The following HS6ST3 variants were observed in gnomAD, a reference collection of about 807,000 sequenced individuals.
The protein encoded by HS6ST3 is heparan sulfate 6-O-sulfotransferase 3.
HS6ST3 carries 12 observed loss-of-function variants against 36.7 expected under a neutral mutation model. That is an observed-to-expected ratio of 0.33 (90% CI 0.21 to 0.53). HS6ST3 has a LOEUF of 0.53. Among genes scored for constraint, HS6ST3 ranks in the 20% least tolerant of loss-of-function variants. The probability of loss-of-function intolerance (pLI) is 0.95; values close to 1 mark genes in which losing one functional copy is unlikely to be tolerated. For missense variants in HS6ST3, 584 were observed against 640.9 expected (o/e 0.91, Z 0.96); for synonymous variants, 240 against 257.5 (o/e 0.93, Z 0.65).
chr13:96,229,235 C>T lies in HS6ST3; in HGVS notation c.707+137666C>T, dbSNP rs78315933. Among the ~76,000 whole-genome samples, 210 of 152,316 alleles carry T rather than the reference C, an allele frequency of 1.4e-3. 1 individual carries two copies. The highest frequency in any genetic ancestry group is 4.8e-3 in the African/African-American group (198 of 41,564). ...TGGGGCCTATCACTTTGGTGCTAGA[C>T]AGCACTTGCCATTTCTCATTCCTCC... is the stretch of plus-strand genomic sequence containing the variant. On this transcript the variant is annotated intron_variant, in intron 1 of 1. Transcript: ENST00000376705.
intron 1 of HS6ST3, among the ~76,000 whole-genome samples, chr13:96,348,168 CT>C (rs1219329933): frequency 7.9e-5 from 12 of 152,320 alleles, no homozygotes; most frequent in East Asian, 3.9e-4. Flanking sequence ...CTAAGACTTT[CT>C]TTTCTGCATA....
chr13:96,202,588 A>T (rs1349373605), intron 1 of HS6ST3, among the ~76,000 whole-genome samples: 2 of 152,176 alleles, frequency 1.3e-5, no homozygotes, highest in Admixed American at 1.3e-4. Context: ...GCTCTCATTC[A>T]TCTGCAGCTG....
chr13:96,551,132 G>A (rs1294805581), intron 1 of HS6ST3, among the ~76,000 whole-genome samples: 3 of 152,154 alleles, frequency 2.0e-5, no homozygotes, highest in Non-Finnish European at 4.4e-5. Flanking sequence ...GAAGCTTCCT[G>A]AAAACCAAAT....
In HS6ST3 at chr13:96,102,828, G is replaced by A. The variant is rs188249297; in HGVS notation, c.707+11259G>A. ...AGTCATGAATTACTAATGATACATG[G>A]AACAAGTTAACTTACTAGTGAGTGG... On this transcript the variant is annotated intron_variant, in intron 1 of 1. Transcript: ENST00000376705. Among the ~76,000 whole-genome samples, 31 of 152,268 alleles carry A rather than the reference G, an allele frequency of 2.0e-4. 1 individual carries two copies. The East Asian group carries it at 6.0e-3, about 29-fold the overall frequency.
At chr13:96,357,420 G>A (rs1331146407) in intron 1 of HS6ST3, among the ~76,000 whole-genome samples, 2 of 152,120 alleles carry the variant, frequency 1.3e-5, no homozygotes, top group African/African-American at 2.4e-5. Context: ...TCTTTCACTT[G>A]AACATTTAGA....
chr13:96,306,171 T>G (rs1246632691), intron 1 of HS6ST3, among the ~76,000 whole-genome samples: 1 of 149,816 alleles, frequency 6.7e-6, no homozygotes, highest in East Asian at 2.0e-4. Flanking sequence ...TGGCGTGATC[T>G]CAACTCACTG....
chr13:96,280,437 A>G (rs753984285), intron 1 of HS6ST3, among the ~76,000 whole-genome samples: 23 of 152,178 alleles, frequency 1.5e-4, no homozygotes, highest in Non-Finnish European at 2.8e-4. Context: ...CTGTAAACCA[A>G]TTGAGTGATT....
At chr13:96,284,910 GCTTT>G (rs71740033) in intron 1 of HS6ST3, among the ~76,000 whole-genome samples, 24,703 of 132,506 alleles carry the variant, frequency 0.19, 2,439 homozygotes, top group African/African-American at 0.2. Flanking sequence ...ATGCATATTT[GCTTT>G]CTTTCTTTCT....
At chr13:96,566,332 G>C (rs1271340520) in intron 1 of HS6ST3, among the ~76,000 whole-genome samples, 4 of 152,046 alleles carry the variant, frequency 2.6e-5, no homozygotes. Context: ...CCTTTGAAAA[G>C]ATTATGAATG....
At chr13:96,807,461 C>T (rs1485366273) in intron 1 of HS6ST3, among the ~76,000 whole-genome samples, 1 of 152,074 alleles carries the variant, frequency 6.6e-6, no homozygotes, top group African/African-American at 2.4e-5. Flanking sequence ...GAAATGTGGA[C>T]ACAGACAAGC....
intron 1 of HS6ST3, among the ~76,000 whole-genome samples, chr13:96,253,874 T>C (rs2054619139): frequency 6.6e-6 from 1 of 152,212 alleles, no homozygotes; most frequent in Admixed American, 6.5e-5. Flanking sequence ...GTCATTCTTA[T>C]TCTCTAAGGC....
chr13:96,140,177 A>G (rs1465699535), intron 1 of HS6ST3, among the ~76,000 whole-genome samples: 3 of 152,180 alleles, frequency 2.0e-5, no homozygotes, highest in Non-Finnish European at 4.4e-5. Flanking sequence ...AACGTATGCA[A>G]ACAAACACAT....
intron 1 of HS6ST3, among the ~76,000 whole-genome samples, chr13:96,407,731 G>A (rs564989398): frequency 1.4e-4 from 22 of 152,222 alleles, no homozygotes; most frequent in African/African-American, 5.1e-4. Context: ...AGATGGGGAA[G>A]TAACACTTGA....
chr13:96,765,274 A>G (rs371684947), intron 1 of HS6ST3, among the ~76,000 whole-genome samples: 52 of 151,856 alleles, frequency 3.4e-4, no homozygotes, highest in East Asian at 5.8e-4. Flanking sequence ...GGGTTTCACC[A>G]TGTTAGCCAG....
chr13:96,155,789 C>T (rs2054107554), intron 1 of HS6ST3, among the ~76,000 whole-genome samples: 1 of 151,974 alleles, frequency 6.6e-6, no homozygotes, highest in South Asian at 2.1e-4. Context: ...TTTAATTTTC[C>T]AAAGATGTTT....
intron 1 of HS6ST3, among the ~76,000 whole-genome samples, chr13:96,634,516 T>C (rs1209139337): frequency 6.6e-6 from 1 of 152,164 alleles, no homozygotes; most frequent in Non-Finnish European, 1.5e-5. Context: ...CATTCATTCA[T>C]TTATATATTT....
intron 1 of HS6ST3, among the ~76,000 whole-genome samples, chr13:96,634,564 G>T (rs1240366338): frequency 6.6e-6 from 1 of 152,038 alleles, no homozygotes; most frequent in Non-Finnish European, 1.5e-5. Flanking sequence ...CTACTAGAAA[G>T]GTATTTGAAG....
At chr13:96,436,315 A>C (rs1201202287) in intron 1 of HS6ST3, among the ~76,000 whole-genome samples, 1 of 152,174 alleles carries the variant, frequency 6.6e-6, no homozygotes, top group Non-Finnish European at 1.5e-5. Flanking sequence ...AACTATTTAC[A>C]TTGGAATGTA....
intron 1 of HS6ST3, among the ~76,000 whole-genome samples, chr13:96,447,253 A>C (rs2139483588): frequency 6.6e-6 from 1 of 151,922 alleles, no homozygotes; most frequent in Non-Finnish European, 1.5e-5. Context: ...TAACTGTCCA[A>C]AGTCAGCCCT....
Sources: allele counts gnomAD v4.1 joint callset (sites outside exome capture counted in the v4.1 genomes callset), GRCh38; gene constraint gnomAD v4.1.1; transcripts MANE v1.5; gene names NCBI Gene and HGNC (gene_info 2026-07-23, HGNC 2026-07-21).